XRN1: variants seen among roughly 807,000 people sequenced by gnomAD.
XRN1 encodes 5'-3' exoribonuclease 1, also known as strand-exchange protein 1 homolog.
A neutral mutation model predicts 222.3 loss-of-function variants in XRN1; 67 were observed. The observed-to-expected ratio is 0.30, with a 90% CI of 0.25 to 0.37. The LOEUF (loss-of-function observed/expected upper bound fraction) is 0.37, where lower values mean the gene tolerates loss of function less well. Ranked by LOEUF, XRN1 falls within the 10% of genes least tolerant of loss-of-function variation. The pLI, the probability that XRN1 is intolerant of heterozygous loss-of-function variation, is 1.00. For synonymous variants in XRN1, 643 were observed against 652.4 expected (o/e 0.99, Z 0.22); for missense variants, 1,707 against 2,000.2 (o/e 0.85, Z 2.80).
chr3:142,421,280 T>C (rs565096492), intron 9 of XRN1, 127 bp from the exon 10 acceptor site: 6 of 1,006,418 alleles, frequency 6.0e-6, no homozygotes, highest in South Asian at 4.2e-5. Context: ...TTTATATATA[T>C]GGGAGACCTC....
intron 37 of XRN1, among the ~76,000 whole-genome samples, chr3:142,325,928 T>C (rs1460914510): frequency 1.3e-5 from 2 of 152,164 alleles, no homozygotes; most frequent in African/African-American, 2.4e-5. Flanking sequence ...GGGCTGTTCT[T>C]TCCCTAACAT....
chr3:142,332,218 G>A (rs566152908), intron 36 of XRN1, among the ~76,000 whole-genome samples, 157 bp downstream of exon 36: 13 of 152,184 alleles, frequency 8.5e-5, no homozygotes, highest in Admixed American at 2.6e-4. Flanking sequence ...TCAGAAGTTT[G>A]AGACCAGCCT....
chr3:142,426,715 T>A (rs1420952364), intron 3 of XRN1, 29 bp downstream of exon 3: 2 of 1,566,786 alleles, frequency 1.3e-6, no homozygotes, highest in Admixed American at 3.7e-5. Flanking sequence ...ATTTCAATTC[T>A]GTCATAATTT....
intron 37 of XRN1, among the ~76,000 whole-genome samples, chr3:142,326,941 C>T (rs183849943): frequency 6.6e-6 from 1 of 152,268 alleles, no homozygotes; most frequent in African/African-American, 2.4e-5. Context: ...TATATTTAAA[C>T]ATCCTTGCAT....
chr3:142,329,210 G>A (rs2065619797), intron 37 of XRN1, among the ~76,000 whole-genome samples: 1 of 152,064 alleles, frequency 6.6e-6, no homozygotes, highest in Non-Finnish European at 1.5e-5. Flanking sequence ...TTAGTTTGAG[G>A]AATCTTGCCA....
At chr3:142,359,723 T>TATTC (rs1267390683) in intron 30 of XRN1, 139 bp downstream of exon 30, 6 of 539,408 alleles carry the variant, frequency 1.1e-5, no homozygotes, top group African/African-American at 2.0e-5. Flanking sequence ...ATGTCTGCCT[T>TATTC]ATTCAGTGTT....
intron 39 of XRN1, among the ~76,000 whole-genome samples, chr3:142,315,600 C>T (rs35811167): frequency 6.6e-6 from 1 of 151,324 alleles, no homozygotes; most frequent in Admixed American, 6.6e-5. Context: ...CCTCTGCCTC[C>T]TGGGTTCAAG....
chr3:142,360,377 T>C (rs764926350), intron 29 of XRN1, among the ~76,000 whole-genome samples: 49 of 152,240 alleles, frequency 3.2e-4, no homozygotes, highest in African/African-American at 9.4e-4. Flanking sequence ...TCTGGATATA[T>C]AGTATCCCAT....
intron 22 of XRN1, 107 bp downstream of exon 22, chr3:142,383,193 A>AT (rs1289640891): frequency 5.7e-6 from 5 of 884,868 alleles, no homozygotes; most frequent in Non-Finnish European, 8.8e-6. Flanking sequence ...TAAATTCTTT[A>AT]TTTTTTCCCT....
rs35351308 is a variant in XRN1 at position 142,422,654 on chromosome 3, G to A, written c.895C>T (p.His299Tyr). Reference protein sequence around the residue: ...VGNDFIPHLPHLHINHDALPL... With the variant: ...VGNDFIPHLPYLHINHDALPL... ...AGTGCATCATGATTAATATGTAAAT[G>A]AGGTAGATGAGGGATAAAATCATTA... The change falls in exon 8 of 41, where the codon CAT (histidine) becomes TAT (tyrosine). Residue 299 changes from histidine (H) to tyrosine (Y), a missense_variant. Physicochemically the swap from His to Tyr is moderately conservative, Grantham distance 83. This residue lies in a region of XRN1 where 1,234 missense variants were observed against 1,518.2 expected (regional missense o/e 0.81). Coordinates refer to ENST00000392981, the MANE Select transcript of XRN1 (RefSeq NM_001282857.2). 20,493 of 1,613,048 alleles carry A rather than the reference G, an allele frequency of 0.013. 178 individuals are homozygous for A. Among genetic ancestry groups the A allele is most frequent in the Non-Finnish European group, 0.015 (17,393 of 1,179,190 alleles).
At chr3:142,333,834 T>C (rs992977765) in intron 34 of XRN1, among the ~76,000 whole-genome samples, 4 of 152,192 alleles carry the variant, frequency 2.6e-5, no homozygotes, top group African/African-American at 7.2e-5. Context: ...CACCAGACAA[T>C]GGCACTTTAC....
At chr3:142,362,338 A>G (rs2066665628) in intron 29 of XRN1, among the ~76,000 whole-genome samples, 1 of 151,974 alleles carries the variant, frequency 6.6e-6, no homozygotes, top group African/African-American at 2.4e-5. Context: ...GAGTTTCACC[A>G]TATTGGCCAG....
At chr3:142,393,738 G>A (rs1304434970) in intron 20 of XRN1, among the ~76,000 whole-genome samples, 2 of 152,034 alleles carry the variant, frequency 1.3e-5, no homozygotes, top group African/African-American at 4.8e-5. Context: ...CTCACTGTCT[G>A]ATAACTTCCT....
chr3:142,365,008 T>C (rs778958030), intron 29 of XRN1, 39 bp downstream of exon 29: 4 of 1,586,562 alleles, frequency 2.5e-6, no homozygotes, highest in African/African-American at 1.4e-5. Context: ...CTTTACAATA[T>C]AAATTACGTT....
At chr3:142,320,960 T>A (rs909712391) in intron 37 of XRN1, among the ~76,000 whole-genome samples, 2 of 152,104 alleles carry the variant, frequency 1.3e-5, no homozygotes, top group Non-Finnish European at 2.9e-5. Context: ...ACTTTTATAG[T>A]TTTAGGCCTT....
At position 142,336,440 on chromosome 3, in the gene XRN1, G is replaced by C. The variant is rs116943979; in HGVS notation, c.3878-931C>G. ...TGGAAAGAGAAGAGGAAAAAGGAAG[G>C]AAGGAAGGAAGGGAAGGGAGGGAGG... is the stretch of plus-strand genomic sequence containing the variant. On this transcript the variant is annotated intron_variant, in intron 33 of 40. Transcript: ENST00000392981. Among the ~76,000 whole-genome samples the C allele has an allele frequency of 2.0e-4, 30 of 151,246 alleles. No individual in the cohort carries two copies. The East Asian group carries it at 5.5e-3, about 28-fold the overall frequency.
intron 2 of XRN1, among the ~76,000 whole-genome samples, chr3:142,431,365 T>C (rs1323107431): frequency 6.6e-6 from 1 of 152,142 alleles, no homozygotes; most frequent in Non-Finnish European, 1.5e-5. Context: ...ACTACAGTGA[T>C]GTATTCTTAG....
In XRN1 at chr3:142,447,115, C is replaced by T. The variant is rs2070538695; in HGVS notation, c.75+755G>A. On this transcript the variant is annotated intron_variant, in intron 1 of 40. Transcript: ENST00000392981. The surrounding 1 kb of genome is among the most constrained non-coding windows in gnomAD (Gnocchi z 4.2). The stretch of plus-strand genomic sequence containing the variant: ...TTCCACAGTTCCAATATATAAACTA[C>T]GTTTTCGGAATCTACACATTAACGT... Among the ~76,000 whole-genome samples, 1 of 151,608 alleles carries T rather than the reference C, an allele frequency of 6.6e-6. No individual in the cohort carries two copies. Among genetic ancestry groups the T allele is most frequent in the African/African-American group, 2.4e-5 (1 of 41,184 alleles).
intron 33 of XRN1, among the ~76,000 whole-genome samples, chr3:142,338,214 CCT>C: frequency 6.6e-6 from 1 of 152,296 alleles, no homozygotes; most frequent in East Asian, 1.9e-4. Flanking sequence ...AAAAGACATC[CCT>C]CTCTTCCACT....
Sources: allele counts gnomAD v4.1 joint callset (sites outside exome capture counted in the v4.1 genomes callset), GRCh38; gene constraint gnomAD v4.1.1; regional missense constraint gnomAD v4.1.1; non-coding constraint Gnocchi (gnomAD v3.1); transcripts MANE v1.5; gene names NCBI Gene and HGNC (gene_info 2026-07-23, HGNC 2026-07-21).